CCDC192: variants seen among roughly 807,000 people sequenced by gnomAD.
CCDC192 encodes coiled-coil domain containing 192.
chr5:127,758,591 A>T (rs1454599921), intron 3 of CCDC192, among the ~76,000 whole-genome samples: 4 of 152,172 alleles, frequency 2.6e-5, no homozygotes, highest in Admixed American at 2.6e-4. Flanking sequence ...ACCACTCAAC[A>T]TATTACCAAG....
chr5:127,704,281 CG>C (rs11332456), intron 1 of CCDC192, among the ~76,000 whole-genome samples: 94,136 of 152,004 alleles, frequency 0.62, 29,714 homozygotes, highest in Non-Finnish European at 0.66. Context: ...TTCTGCCTCC[CG>C]GGTTCAAGTG....
At chr5:127,706,312 A>C (rs905181229) in intron 1 of CCDC192, among the ~76,000 whole-genome samples, 1 of 152,068 alleles carries the variant, frequency 6.6e-6, no homozygotes, top group Admixed American at 6.6e-5. Context: ...GTGGATCATG[A>C]GGTTAAGAGA....
At chr5:127,730,195 C>T (rs2126814439) in intron 2 of CCDC192, among the ~76,000 whole-genome samples, 1 of 152,162 alleles carries the variant, frequency 6.6e-6, no homozygotes, top group East Asian at 1.9e-4. Flanking sequence ...GAGATATTAC[C>T]ACTGACCCCA....
At chr5:127,929,859 G>A (rs555661266) in intron 6 of CCDC192, among the ~76,000 whole-genome samples, 1 of 152,240 alleles carries the variant, frequency 6.6e-6, no homozygotes, top group East Asian at 1.9e-4. Flanking sequence ...CCACCAGGAA[G>A]AAAAACTTGA....
At chr5:127,739,335 C>G (rs1260932385) in intron 2 of CCDC192, among the ~76,000 whole-genome samples, 3 of 152,196 alleles carry the variant, frequency 2.0e-5, no homozygotes, top group Non-Finnish European at 4.4e-5. Context: ...CTCTTCAAAG[C>G]TGTCAGACAG....
At chr5:127,848,646 A>G (rs1020930762) in intron 5 of CCDC192, among the ~76,000 whole-genome samples, 1 of 152,218 alleles carries the variant, frequency 6.6e-6, no homozygotes, top group Admixed American at 6.5e-5. Flanking sequence ...CTACTGCAAA[A>G]TAAAAAGGCT....
At chr5:127,728,975 C>T (rs543191241) in intron 2 of CCDC192, among the ~76,000 whole-genome samples, 21 of 152,204 alleles carry the variant, frequency 1.4e-4, no homozygotes, top group African/African-American at 2.9e-4. Context: ...GGCATGATCT[C>T]GGCTCACTGC....
intron 3 of CCDC192, among the ~76,000 whole-genome samples, chr5:127,790,228 C>T (rs1756788064): frequency 6.6e-6 from 1 of 152,144 alleles, no homozygotes; most frequent in Non-Finnish European, 1.5e-5. Context: ...GGACTCATCA[C>T]CCCTTCCTTC....
intron 3 of CCDC192, among the ~76,000 whole-genome samples, chr5:127,761,905 TTC>T (rs1404139808): frequency 1.3e-5 from 2 of 152,198 alleles, no homozygotes; most frequent in Admixed American, 1.3e-4. Flanking sequence ...CTCCCATTAT[TTC>T]TCTCTTAGTA....
intron 6 of CCDC192, among the ~76,000 whole-genome samples, chr5:127,892,451 A>G (rs1385682405): frequency 6.6e-6 from 1 of 152,258 alleles, no homozygotes. Flanking sequence ...AGTATCTAAG[A>G]TGCTGACATT....
chr5:127,892,004 G>A (rs1752746141), intron 6 of CCDC192, among the ~76,000 whole-genome samples: 2 of 152,136 alleles, frequency 1.3e-5, no homozygotes, highest in Non-Finnish European at 2.9e-5. Flanking sequence ...CTTGCATAAA[G>A]ACAGGCAGAA....
At chr5:127,839,198 A>G (rs1750165150) in intron 5 of CCDC192, among the ~76,000 whole-genome samples, 1 of 152,246 alleles carries the variant, frequency 6.6e-6, no homozygotes, top group Non-Finnish European at 1.5e-5. Context: ...GCTTAAGGTG[A>G]AAAACTGGAA....
At chr5:127,790,897 A>G (rs1457641705) in intron 3 of CCDC192, among the ~76,000 whole-genome samples, 1 of 152,214 alleles carries the variant, frequency 6.6e-6, no homozygotes, top group Non-Finnish European at 1.5e-5. Context: ...TTTTTACAGC[A>G]TAGAAAAAGA....
intron 6 of CCDC192, among the ~76,000 whole-genome samples, chr5:127,939,615 T>C (rs550409073): frequency 6.6e-6 from 1 of 152,212 alleles, no homozygotes; most frequent in South Asian, 2.1e-4. Flanking sequence ...GCCAAAGATT[T>C]TACCCCTTGA....
intron 6 of CCDC192, among the ~76,000 whole-genome samples, chr5:127,891,053 G>T (rs1043904739): frequency 3.2e-4 from 48 of 152,050 alleles, no homozygotes; most frequent in African/African-American, 1.2e-3. Context: ...GAATGACCTT[G>T]CTTGTTTGTT....
At chr5:127,858,400 C>T (rs1751198328) in intron 5 of CCDC192, among the ~76,000 whole-genome samples, 1 of 152,200 alleles carries the variant, frequency 6.6e-6, no homozygotes, top group South Asian at 2.1e-4. Context: ...CTAATTAATG[C>T]CTCTTATCCG....
intron 5 of CCDC192, among the ~76,000 whole-genome samples, chr5:127,814,655 C>G (rs1758274785): frequency 6.6e-6 from 1 of 152,148 alleles, no homozygotes; most frequent in Non-Finnish European, 1.5e-5. Context: ...ATGACTTCTC[C>G]AAAACTGTGT....
chr5:127,925,802 C>T (rs1213493110), intron 6 of CCDC192, among the ~76,000 whole-genome samples: 4 of 152,302 alleles, frequency 2.6e-5, no homozygotes, highest in East Asian at 3.9e-4. Context: ...CTACTTTCCC[C>T]TTGGCATCTT....
At chr5:127,862,238 T>C (rs376681356) in intron 5 of CCDC192, among the ~76,000 whole-genome samples, 1 of 152,360 alleles carries the variant, frequency 6.6e-6, no homozygotes, top group African/African-American at 2.4e-5. Context: ...AAGCTGAAAC[T>C]GGCCTTCTAC....
Sources: gnomAD v4.1 joint callset for allele counts (sites outside exome capture counted in the v4.1 genomes callset) on GRCh38, gnomAD v4.1.1 for gene constraint, MANE v1.5 for transcripts, NCBI Gene and HGNC (gene_info 2026-07-23, HGNC 2026-07-21) for gene names.